The following PEX6 variants were observed in gnomAD, a reference collection of about 807,000 sequenced individuals.
The protein encoded by PEX6 is peroxisomal biogenesis factor 6.
Under a neutral mutation model 85.6 loss-of-function variants are expected in PEX6, and 55 were observed. That is an observed-to-expected ratio of 0.64 (90% CI 0.52 to 0.80). The LOEUF (loss-of-function observed/expected upper bound fraction) is 0.80. PEX6 is among the 30% of genes least tolerant of loss of function. The pLI is 0.00. For missense variants in PEX6, 1,099 were observed against 1,260.3 expected, an observed-to-expected ratio of 0.87 and a Z score of 1.94; for synonymous variants, 519 against 549.1, an observed-to-expected ratio of 0.95 and a Z score of 0.77.
intron 7 of PEX6, 57 bp from the exon 8 acceptor site, chr6:42,967,620 C>T (rs1338530205): frequency 6.6e-6 from 10 of 1,516,436 alleles, no homozygotes; most frequent in African/African-American, 1.4e-5. Context: ...CTCCTGTGGA[C>T]TGCCTTGTCC....
chr6:42,971,601 G>T lies in PEX6; in HGVS notation c.1131-1614C>A, dbSNP rs1275467537. ...CACCAACAGTGGAATTCCTTTCCAG[G>T]GCTCACAGGAACTTCTGCAGGGCTT... On this transcript the variant is annotated intron_variant, in intron 3 of 16. Coordinates refer to ENST00000304611, the MANE Select transcript of PEX6 (RefSeq NM_000287.4). This position sits in a 1 kb window ranked among gnomAD's most constrained non-coding sequence, Gnocchi z 4.4. Among the ~76,000 whole-genome samples the T allele has an allele frequency of 6.6e-6, 1 of 152,194 alleles. No homozygotes were observed. Among genetic ancestry groups the T allele is most frequent in the African/African-American group, 2.4e-5 (1 of 41,456 alleles).
rs761123181 is a variant in PEX6, at chr6:42,965,137, C to T, written c.2604G>A (p.Val868=). 2.2e-5 allele frequency: 35 copies of T among 1,614,110 alleles called. No homozygotes were observed. In the South Asian group the frequency reaches 3.7e-4, roughly 17 times the overall value. Residue 868 remains valine (V), a synonymous_variant, in exon 15 of 17, where the codon GTG becomes GTA. Transcript: ENST00000304611. The surrounding 1 kb of genome is among the most constrained non-coding windows in gnomAD (Gnocchi z 5.0). Reference sequence around the variant, plus strand: ...CCCGGTCCTCATTTGCCCCCACAAACACCAGCTTGTCAAATCTTTAGGGAG... The same window carrying T: ...CCCGGTCCTCATTTGCCCCCACAAATACCAGCTTGTCAAATCTTTAGGGAG... ...LLRPGRFDKL[V]FVGANEDRAS...
rs757070629 is a variant in PEX6, at chr6:42,979,098, G to A, written c.53C>T (p.Pro18Leu). The change falls in exon 1 of 17, where the codon CCG becomes CTG. Residue 18 changes from proline (P) to leucine (L), a missense_variant. Pro to Leu is a moderately conservative substitution (Grantham distance 98). Coordinates refer to ENST00000304611, the MANE Select transcript of PEX6 (RefSeq NM_000287.4). The part of the protein sequence containing the change: ...VLEPFPTETP[P>L]LAVLLPPGGP... ...CCCGGGTGGCAGCAGCACTGCCAAC[G>A]GGGGTGTCTCGGTCGGAAAGGGCTC... 2.6e-6 allele frequency: 4 copies of A among 1,559,182 alleles called. No homozygotes were observed. The highest frequency in any genetic ancestry group is 3.7e-5 in the Admixed American group (2 of 54,222).
In PEX6 at chr6:42,968,339, C is replaced by A. The variant is rs757202336; in HGVS notation, c.1639G>T (p.Val547Leu). ...DRDGLGEDAR[V>L]MAVLRHLLLN... Reference sequence around the variant, plus strand: ...AGGAGGTGACGCAGCACAGCCATCACACGGGCATCCTCACCCAGCCCATCA... The same window carrying A: ...AGGAGGTGACGCAGCACAGCCATCAAACGGGCATCCTCACCCAGCCCATCA... Residue 547 changes from valine to leucine, a missense_variant, in exon 7 of 17, where the codon GTG becomes TTG. Transcript: ENST00000304611. 14 of 1,614,038 alleles carry A rather than the reference C, an allele frequency of 8.7e-6. No homozygotes were observed. Among genetic ancestry groups the A allele is most frequent in the Non-Finnish European group, 9.3e-6 (11 of 1,180,056 alleles).
intron 11 of PEX6, 21 bp from the exon 12 acceptor site, chr6:42,966,126 A>G: frequency 6.2e-7 from 1 of 1,614,006 alleles, no homozygotes. Context: ...GGATGTGAGA[A>G]GGTGAGAGCC....
Position 42,978,868 on chromosome 6 carries a change from G to A in PEX6, c.283C>T (p.Arg95Trp), listed in dbSNP as rs773569299. 5 of 1,492,782 alleles carry A rather than the reference G, an allele frequency of 3.3e-6. No individual in the cohort carries two copies. In the South Asian group the frequency reaches 6.3e-5, roughly 19 times the overall value. 92.5% of individuals were successfully genotyped at this position (1,492,782 alleles called of 1,614,324 possible). ...AGCGCCGGGGGCCGCCGCACCGCCC[G>A]CGCCCGCACCCAGGCCCCGGAGCCC... ...ALGSGAWVRA[R>W]AVRRPPALGW... Residue 95 changes from arginine (R) to tryptophan (W), a missense_variant, in exon 1 of 17, where the codon CGG becomes TGG. Arg to Trp is a moderately radical substitution (Grantham distance 101). Transcript: ENST00000304611.
In PEX6 at chr6:42,964,473, T is replaced by C. The variant is rs267608251; in HGVS notation, c.2807-2A>G. 2 of 1,613,102 alleles carry C rather than the reference T, an allele frequency of 1.2e-6. No homozygotes were observed. The highest frequency in any genetic ancestry group is 1.7e-6 in the Non-Finnish European group (2 of 1,179,976). ...GTGCTGAGCTACCTGGCTCCAGCCC[T>C]GGAGATGACAAGGTGGGGAGGCTGT... On this transcript the variant is annotated splice_acceptor_variant, in intron 16 of 16. Coordinates refer to ENST00000304611, the MANE Select transcript of PEX6 (RefSeq NM_000287.4). LOFTEE classifies it high-confidence loss of function. The surrounding 1 kb of genome is among the most constrained non-coding windows in gnomAD (Gnocchi z 4.6).
rs768901540 is a variant in PEX6 at position 42,965,720 on chromosome 6, C to T, written c.2432G>A (p.Ser811Asn). Reference sequence around the variant, plus strand: ...TCCAGAATCTCCACTTCGCCCCCGGCTTGGGGCCAAAGAGTCCAGTTCATC... The same window carrying T: ...TCCAGAATCTCCACTTCGCCCCCGGTTTGGGGCCAAAGAGTCCAGTTCATC... The part of the protein sequence containing the change: ...FFDELDSLAP[S>N]RGRSGDSGGV... Residue 811 changes from serine to asparagine, a missense_variant, in exon 13 of 17, where the codon AGC becomes AAC. By Grantham distance (46) the Ser-to-Asn change is conservative (BLOSUM62 1). This residue lies in a region of PEX6 where 514 missense variants were observed against 627.0 expected (regional missense o/e 0.82). Coordinates refer to ENST00000304611, the MANE Select transcript of PEX6 (RefSeq NM_000287.4). The surrounding 1 kb of genome is among the most constrained non-coding windows in gnomAD (Gnocchi z 5.0). 1.2e-6 allele frequency: 2 copies of T among 1,614,136 alleles called. No individual in the cohort carries two copies. Among genetic ancestry groups the T allele is most frequent in the Middle Eastern group, 1.6e-4 (1 of 6,062 alleles).
chr6:42,966,919 C>T (rs905538207), intron 8 of PEX6, 61 bp from the exon 9 acceptor site: 25 of 1,286,154 alleles, frequency 1.9e-5, no homozygotes, highest in East Asian at 1.6e-4. Context: ...CTTCAGGGAC[C>T]GTCCCCCAGC....
intron 7 of PEX6, 54 bp from the exon 8 acceptor site, chr6:42,967,617 G>A (rs527936569): frequency 4.0e-5 from 61 of 1,526,934 alleles, no homozygotes; most frequent in Admixed American, 1.4e-4. Context: ...CAGCTCCTGT[G>A]GACTGCCTTG....
rs1409096419 is a variant in PEX6 at position 42,979,055 on chromosome 6, C to T, written c.96G>A (p.Ala32=). The change falls in exon 1 of 17, where the codon GCG becomes GCA. Residue 32 remains alanine, a synonymous_variant. Transcript: ENST00000304611. Reference sequence around the variant, plus strand: ...TCAGGGCCAGCACCAGGCCCAGCTCCGCCGCCGGCCACGGGCCCCCGGGTG... The same window carrying T: ...TCAGGGCCAGCACCAGGCCCAGCTCTGCCGCCGGCCACGGGCCCCCGGGTG... ...LLPPGGPWPA[A]ELGLVLALRP... is the part of the protein sequence containing the mutation. The T allele has an allele frequency of 1.3e-6, 2 of 1,535,640 alleles. No individual in the cohort carries two copies. Among genetic ancestry groups the T allele is most frequent in the Non-Finnish European group, 1.7e-6 (2 of 1,147,776 alleles).
intron 2 of PEX6, among the ~76,000 whole-genome samples, chr6:42,974,464 T>TG (rs1385868847): frequency 7.3e-6 from 1 of 137,832 alleles, no homozygotes; most frequent in Non-Finnish European, 1.6e-5. Flanking sequence ...TTTTTTTTTT[T>TG]TTTTTTTTTT....
intron 2 of PEX6, 70 bp from the exon 3 acceptor site, chr6:42,974,156 C>T (rs1238165691): frequency 7.9e-6 from 9 of 1,145,702 alleles, no homozygotes; most frequent in Admixed American, 3.4e-5. Flanking sequence ...ACCACATGTC[C>T]ACCCCCGACA....
intron 3 of PEX6, among the ~76,000 whole-genome samples, chr6:42,973,201 AG>A (rs1290087927): frequency 2.0e-5 from 3 of 151,808 alleles, no homozygotes; most frequent in Non-Finnish European, 2.9e-5. Context: ...TAGTAGAGAC[AG>A]GGTTTCACCA....
At chr6:42,975,421 G>C (rs1052127614) in intron 1 of PEX6, among the ~76,000 whole-genome samples, 4 of 152,206 alleles carry the variant, frequency 2.6e-5, no homozygotes, top group Non-Finnish European at 4.4e-5. Context: ...TGTGGGAAAA[G>C]CTGAACGGGT....
At position 42,978,320 on chromosome 6, in the gene PEX6, C is replaced by T. The variant is rs769541686; in HGVS notation, c.831G>A (p.Leu277=). The part of the protein sequence containing the change: ...ADGLALVPAT[L]AFNLGCDPLE... The stretch of plus-strand genomic sequence containing the variant: ...GGGGGTCACAGCCAAGATTAAAAGC[C>T]AAAGTGGCAGGGACAAGCGCCAGTC... The change falls in exon 1 of 17, where the codon TTG becomes TTA. Residue 277 remains leucine (L), a synonymous_variant. Transcript: ENST00000304611. The T allele has an allele frequency of 6.2e-6, 10 of 1,614,172 alleles. No homozygotes were observed. The highest frequency in any genetic ancestry group is 1.1e-5 in the South Asian group (1 of 91,088).
rs2114240305 is a variant in PEX6, at chr6:42,966,526, T to C, written c.2093A>G (p.Lys698Arg). 6 of 1,614,182 alleles carry C rather than the reference T, an allele frequency of 3.7e-6. No homozygotes were observed. Among genetic ancestry groups the C allele is most frequent in the South Asian group, 2.2e-5 (2 of 91,086 alleles). ...TAHSQAVGAP[K>R]IPSVSWHDVG... ...CACCTCCAAGGACTTGGTCTCCACC[T>C]TGGGGGCTCCAACGGCCTGGGAGTG... The change falls in exon 10 of 17, where the codon AAG (lysine) becomes AGG (arginine). Residue 698 changes from lysine to arginine, a missense_variant and splice_region_variant. Around this residue, in one of 3 missense-constraint regions of PEX6, gnomAD observed 514 missense variants for 627.0 expected, o/e 0.82. Coordinates refer to ENST00000304611, the MANE Select transcript of PEX6 (RefSeq NM_000287.4).
intron 1 of PEX6, among the ~76,000 whole-genome samples, chr6:42,975,743 C>T (rs539280957): frequency 4.6e-4 from 69 of 150,170 alleles, no homozygotes; most frequent in Non-Finnish European, 1.2e-4. Flanking sequence ...CTTAGTCTCA[C>T]TTTGTCGCCC....
At chr6:42,966,913 A>G in intron 8 of PEX6, 55 bp from the exon 9 acceptor site, 1 of 1,360,176 alleles carries the variant, frequency 7.4e-7, no homozygotes, top group South Asian at 1.2e-5. Flanking sequence ...AGGAACCTTC[A>G]GGGACCGTCC....
Sources: gnomAD v4.1 joint callset for allele counts (sites outside exome capture counted in the v4.1 genomes callset) on GRCh38, gnomAD v4.1.1 for gene constraint, gnomAD v4.1.1 regional missense constraint, Gnocchi (gnomAD v3.1) non-coding constraint, MANE v1.5 for transcripts, NCBI Gene and HGNC (gene_info 2026-07-23, HGNC 2026-07-21) for gene names.